DLGAP2: variants seen among roughly 807,000 people sequenced by gnomAD.
DLGAP2 encodes DLG associated protein 2.
A neutral mutation model predicts 100.3 loss-of-function variants in DLGAP2; 26 were observed. The observed-to-expected ratio is 0.26, with a 90% confidence interval of 0.19 to 0.36. The LOEUF (loss-of-function observed/expected upper bound fraction) is 0.36. Among genes scored for constraint, DLGAP2 ranks in the 10% least tolerant of loss-of-function variants. The pLI, the probability that DLGAP2 is intolerant of heterozygous loss-of-function variation, is 1.00. For missense variants in DLGAP2, 1,858 were observed against 1,453.2 expected, an observed-to-expected ratio of 1.28 and a Z score of -4.53; for synonymous variants, 886 against 630.1, an observed-to-expected ratio of 1.41 and a Z score of -6.08.
chr8:863,763 C>T (rs1345245906), intron 1 of DLGAP2, among the ~76,000 whole-genome samples: 22 of 152,146 alleles, frequency 1.4e-4, no homozygotes, highest in Admixed American at 1.4e-3. Flanking sequence ...GGAACTCTTA[C>T]ACGCTGTTGA....
intron 3 of DLGAP2, among the ~76,000 whole-genome samples, chr8:1,474,906 A>G (rs1798890938): frequency 6.6e-6 from 1 of 152,200 alleles, no homozygotes; most frequent in Admixed American, 6.5e-5. Flanking sequence ...AAAATAAATC[A>G]TTCTTCCAAA....
At chr8:1,408,534 C>T (rs898231124) in intron 3 of DLGAP2, among the ~76,000 whole-genome samples, 35 of 152,348 alleles carry the variant, frequency 2.3e-4, no homozygotes, top group African/African-American at 8.2e-4. Context: ...TGCTGCTCTC[C>T]ACTGGGACTC....
intron 2 of DLGAP2, among the ~76,000 whole-genome samples, chr8:933,079 G>A (rs757168683): frequency 1.3e-5 from 2 of 152,208 alleles, no homozygotes; most frequent in Non-Finnish European, 2.9e-5. Flanking sequence ...CATACCTTCC[G>A]ATCCTGTCCC....
chr8:1,210,570 A>G (rs1562927), intron 2 of DLGAP2, among the ~76,000 whole-genome samples: 84,036 of 152,104 alleles, frequency 0.55, 25,474 homozygotes, highest in African/African-American at 0.82. Flanking sequence ...TGGGGAGTGT[A>G]CAGAGAAGTT....
At chr8:1,446,834 A>G (rs1314869467) in intron 3 of DLGAP2, among the ~76,000 whole-genome samples, 2 of 152,036 alleles carry the variant, frequency 1.3e-5, no homozygotes, top group Non-Finnish European at 2.9e-5. Context: ...ATTCCTAGGT[A>G]TTTTATTCTC....
At chr8:996,219 T>G (rs2134500) in intron 2 of DLGAP2, among the ~76,000 whole-genome samples, 55,004 of 152,008 alleles carry the variant, frequency 0.36, 10,364 homozygotes, top group Non-Finnish European at 0.41. Context: ...CTTCTTTACT[T>G]ATAGTAACTT....
chr8:1,687,074 G>C (rs955430695), intron 12 of DLGAP2, among the ~76,000 whole-genome samples: 1 of 152,142 alleles, frequency 6.6e-6, no homozygotes, highest in Non-Finnish European at 1.5e-5. Flanking sequence ...CTTGAAAGGA[G>C]ATTTCTGGGA....
At chr8:901,746 T>C (rs940339999) in intron 1 of DLGAP2, among the ~76,000 whole-genome samples, 1 of 152,228 alleles carries the variant, frequency 6.6e-6, no homozygotes, top group Non-Finnish European at 1.5e-5. Context: ...CATTGCCCCA[T>C]TGCTGTGGCA....
At chr8:778,192 T>C (rs1157248371) in intron 1 of DLGAP2, among the ~76,000 whole-genome samples, 1 of 152,186 alleles carries the variant, frequency 6.6e-6, no homozygotes. Flanking sequence ...GGTTTTCAGC[T>C]CCATCAGCTC....
chr8:1,096,712 CGTG>C (rs1804383302), intron 2 of DLGAP2, among the ~76,000 whole-genome samples: 1 of 127,264 alleles, frequency 7.9e-6, no homozygotes, highest in Non-Finnish European at 1.6e-5. Flanking sequence ...TCCCCTCCAG[CGTG>C]AGACCCAGCT....
chr8:1,068,893 A>G (rs1005027845), intron 2 of DLGAP2, among the ~76,000 whole-genome samples: 6 of 152,238 alleles, frequency 3.9e-5, no homozygotes, highest in Non-Finnish European at 5.9e-5. Context: ...TTTGCATAAA[A>G]AAGGGAATCT....
intron 1 of DLGAP2, among the ~76,000 whole-genome samples, chr8:837,578 C>T (rs987587866): frequency 1.3e-5 from 2 of 152,012 alleles, no homozygotes; most frequent in Non-Finnish European, 2.9e-5. Flanking sequence ...AGGCCGTGCT[C>T]AGGCCGCAGG....
chr8:1,377,491 C>G (rs1039920429), intron 3 of DLGAP2, among the ~76,000 whole-genome samples: 1 of 152,188 alleles, frequency 6.6e-6, no homozygotes, highest in African/African-American at 2.4e-5. Context: ...TGGCAGTGAG[C>G]TGAGATCGCA....
chr8:1,054,200 A>G (rs1333585721), intron 2 of DLGAP2, among the ~76,000 whole-genome samples: 1 of 152,106 alleles, frequency 6.6e-6, no homozygotes, highest in African/African-American at 2.4e-5. Flanking sequence ...ACGCACGCAC[A>G]CACAGATCCA....
At position 1,312,825 on chromosome 8, in the gene DLGAP2, T is replaced by A. The variant is rs1800644079; in HGVS notation, c.106+53942T>A. Among the ~76,000 whole-genome samples the A allele has an allele frequency of 2.0e-5, 3 of 152,320 alleles. No individual in the cohort carries two copies. In the South Asian group the frequency reaches 6.2e-4, roughly 32 times the overall value. On this transcript the variant is annotated intron_variant, in intron 3 of 14. Coordinates refer to ENST00000637795, the MANE Select transcript of DLGAP2 (RefSeq NM_001346810.2). ...CTTCTTGCAGCAGGGTTTGTAGGAA[T>A]GAAAGATGGAAAATGAACGCGAGTG...
At chr8:1,637,517 G>A (rs1797797078) in intron 8 of DLGAP2, among the ~76,000 whole-genome samples, 1 of 151,974 alleles carries the variant, frequency 6.6e-6, no homozygotes, top group Admixed American at 6.6e-5. Flanking sequence ...GCAACAAAAA[G>A]CTGCGTTTCA....
At chr8:1,478,877 C>T (rs1263347549) in intron 3 of DLGAP2, among the ~76,000 whole-genome samples, 1 of 152,202 alleles carries the variant, frequency 6.6e-6, no homozygotes, top group African/African-American at 2.4e-5. Context: ...AAGAAAGTAG[C>T]TTGGAATGAG....
At chr8:1,515,680 C>T (rs1346234434) in intron 4 of DLGAP2, among the ~76,000 whole-genome samples, 1 of 150,934 alleles carries the variant, frequency 6.6e-6, no homozygotes, top group Non-Finnish European at 1.5e-5. Context: ...CATGTTGACA[C>T]ACACAACATG....
At chr8:1,627,352 T>C (rs926320908) in intron 7 of DLGAP2, among the ~76,000 whole-genome samples, 4 of 152,078 alleles carry the variant, frequency 2.6e-5, no homozygotes, top group African/African-American at 9.7e-5. Flanking sequence ...GCAGGACTGA[T>C]TTCGGGACAG....
Sources: allele counts gnomAD v4.1 joint callset (sites outside exome capture counted in the v4.1 genomes callset), GRCh38; gene constraint gnomAD v4.1.1; transcripts MANE v1.5; gene names NCBI Gene and HGNC (gene_info 2026-07-23, HGNC 2026-07-21).